Variants in DRC4 observed in about 807,000 individuals in gnomAD.
DRC4 encodes the protein dynein regulatory complex subunit 4, also known as GAS-11.
chr16:90,043,360 G>T, the DRC4 span: 1 of 1,600,648 alleles, frequency 6.2e-7, no homozygotes. Flanking sequence ...CCCCCTGGGG[G>T]GCCACAGCCC....
chr16:90,044,731 C>T, the DRC4 span: 1 of 410,570 alleles, frequency 2.4e-6, no homozygotes, highest in Non-Finnish European at 5.0e-6. Flanking sequence ...ACCTGTCAGA[C>T]TTGGGTGAGC....
the DRC4 span, chr16:90,037,400 G>T: frequency 6.2e-7 from 1 of 1,609,424 alleles, no homozygotes. Flanking sequence ...GATCCTGCTT[G>T]TGAGTTTCCC....
At chr16:90,044,276 C>T in the DRC4 span, 1 of 440,730 alleles carries the variant, frequency 2.3e-6, no homozygotes, top group Non-Finnish European at 4.5e-6. Context: ...CCCAGCCTCC[C>T]CACAAAGCCT....
At chr16:90,025,939 A>T in the DRC4 span, among the ~76,000 whole-genome samples, 1 of 151,958 alleles carries the variant, frequency 6.6e-6, no homozygotes, top group East Asian at 1.9e-4. Flanking sequence ...AAATTTCCAC[A>T]TGAAATTTGT....
At chr16:90,022,524 A>G in the DRC4 span, 5 of 502,238 alleles carry the variant, frequency 1.0e-5, no homozygotes, top group Non-Finnish European at 1.7e-5. Context: ...CATTTTCCCA[A>G]CGTTCACAAC....
the DRC4 span, chr16:90,031,316 C>T: frequency 1.2e-6 from 2 of 1,612,856 alleles, no homozygotes; most frequent in Non-Finnish European, 8.5e-7. Context: ...AGCATGTCAG[C>T]CGCATCCGGG....
chr16:90,019,949 G>A, the DRC4 span: 2 of 694,760 alleles, frequency 2.9e-6, no homozygotes, highest in South Asian at 3.0e-5. The surrounding 1 kb of genome is among the most constrained non-coding windows in gnomAD (Gnocchi z 6.1). Context: ...GGGGCGGGAT[G>A]GGGGATGGGA....
the DRC4 span, chr16:90,044,344 C>T: frequency 2.4e-6 from 1 of 409,062 alleles, no homozygotes; most frequent in Non-Finnish European, 4.9e-6. Flanking sequence ...TGCCTGGACA[C>T]CTTTCTTTTG....
the DRC4 span, chr16:90,019,989 C>T: frequency 2.9e-6 from 2 of 699,028 alleles, no homozygotes; most frequent in Non-Finnish European, 5.2e-6. This position sits in a 1 kb window ranked among gnomAD's most constrained non-coding sequence, Gnocchi z 6.1. Context: ...GCCCGGGCTG[C>T]AGAGAGCGCC....
chr16:90,037,798 C>G, the DRC4 span: 1 of 1,614,216 alleles, frequency 6.2e-7, no homozygotes, highest in African/African-American at 1.3e-5. Flanking sequence ...GGAGAAAGAG[C>G]TGAAAGACCT....
chr16:90,035,142 G>A, the DRC4 span, among the ~76,000 whole-genome samples: 1 of 151,998 alleles, frequency 6.6e-6, no homozygotes, highest in South Asian at 2.1e-4. Context: ...ACCTCAGGTG[G>A]TCTGTCCAGC....
At chr16:90,038,183 C>A in the DRC4 span, among the ~76,000 whole-genome samples, 423 of 152,312 alleles carry the variant, frequency 2.8e-3, 4 homozygotes, top group African/African-American at 9.8e-3. Context: ...CGAGAGCTCA[C>A]CTCTGAAAGC....
the DRC4 span, chr16:90,043,349 C>T: frequency 6.6e-7 from 1 of 1,512,102 alleles, no homozygotes; most frequent in Non-Finnish European, 8.7e-7. Context: ...GACGTAGCTG[C>T]CCCCCTGGGG....
At chr16:90,029,286 TG>T in the DRC4 span, 1 of 1,365,596 alleles carries the variant, frequency 7.3e-7, no homozygotes, top group South Asian at 1.1e-5. Context: ...TCCAGGCAGG[TG>T]GGGAGGGATG....
chr16:90,042,661 T>C, the DRC4 span: 1 of 741,854 alleles, frequency 1.3e-6, no homozygotes, highest in Non-Finnish European at 2.3e-6. Context: ...CAGCTGTCAC[T>C]GTCCCCACGT....
chr16:90,033,465 C>T, the DRC4 span, among the ~76,000 whole-genome samples: 2 of 152,160 alleles, frequency 1.3e-5, no homozygotes, highest in Non-Finnish European at 2.9e-5. Flanking sequence ...TAGTTTGAGA[C>T]TAGCTTGGGT....
At chr16:90,031,039 G>T in the DRC4 span, 1 of 666,420 alleles carries the variant, frequency 1.5e-6, no homozygotes, top group South Asian at 2.0e-5. Flanking sequence ...AATTTTTTAG[G>T]CATCAATTCT....
the DRC4 span, chr16:90,019,795 G>C: frequency 4.4e-6 from 3 of 689,606 alleles, no homozygotes; most frequent in East Asian, 8.2e-5. This position sits in a 1 kb window ranked among gnomAD's most constrained non-coding sequence, Gnocchi z 6.1. Flanking sequence ...CGCCGACTGT[G>C]TGCGGGCGCC....
the DRC4 span, among the ~76,000 whole-genome samples, chr16:90,042,046 T>C: frequency 6.6e-6 from 1 of 151,986 alleles, no homozygotes; most frequent in Non-Finnish European, 1.5e-5. Context: ...CAAGCAATTC[T>C]CATGCCTCAG....
Sources: allele counts gnomAD v4.1 joint callset (sites outside exome capture counted in the v4.1 genomes callset), GRCh38; gene constraint gnomAD v4.1.1; non-coding constraint Gnocchi (gnomAD v3.1); transcripts MANE v1.5; gene names NCBI Gene and HGNC (gene_info 2026-07-23, HGNC 2026-07-21).